The following AGAP1 variants were observed in gnomAD, a reference collection of about 807,000 sequenced individuals.
AGAP1 encodes ArfGAP with GTPase domain, ankyrin repeat and PH domain 1, also known as arf-GAP with GTPase, ANK repeat and PH domain-containing protein 1.
Under a neutral mutation model 105.3 loss-of-function variants are expected in AGAP1, and 29 were observed. That is an observed-to-expected ratio of 0.28 (90% CI 0.21 to 0.38). The LOEUF is 0.38. Ranked by LOEUF, AGAP1 falls within the 10% of genes least tolerant of loss-of-function variation. The probability of loss-of-function intolerance (pLI) is 1.00; values close to 1 mark genes in which losing one functional copy is unlikely to be tolerated. For missense variants in AGAP1, 998 were observed against 1,165.1 expected (o/e 0.86, Z 2.09); for synonymous variants, 509 against 485.9 (o/e 1.05, Z -0.63).
At chr2:235,916,440 G>T (rs1384132830) in intron 11 of AGAP1, among the ~76,000 whole-genome samples, 2 of 152,202 alleles carry the variant, frequency 1.3e-5, no homozygotes, top group Non-Finnish European at 2.9e-5. Flanking sequence ...AGCCTAGTTT[G>T]GTGAAGCTGT....
intron 12 of AGAP1, among the ~76,000 whole-genome samples, chr2:235,956,929 A>G (rs2053977044): frequency 6.6e-6 from 1 of 152,228 alleles, no homozygotes; most frequent in Non-Finnish European, 1.5e-5. Context: ...CGTATAGTGG[A>G]CGTTTTAAAA....
chr2:236,115,673 A>G (rs1576340434), intron 16 of AGAP1, among the ~76,000 whole-genome samples: 2 of 152,220 alleles, frequency 1.3e-5, no homozygotes, highest in African/African-American at 4.8e-5. Context: ...TTCAGCTGCT[A>G]ACAAGAATCA....
intron 3 of AGAP1, among the ~76,000 whole-genome samples, chr2:235,722,330 A>G (rs1951428060): frequency 6.6e-6 from 1 of 152,214 alleles, no homozygotes; most frequent in Admixed American, 6.5e-5. Context: ...AATCTGTTGC[A>G]TGTCTGTGCA....
chr2:235,743,460 G>A lies in AGAP1; in HGVS notation c.397-1238G>A, dbSNP rs150959351. Among the ~76,000 whole-genome samples the A allele has an allele frequency of 7.3e-3, 1,116 of 152,188 alleles. 15 individuals carry two copies. Among genetic ancestry groups the A allele is most frequent in the African/African-American group, 0.026 (1,082 of 41,502 alleles). On this transcript the variant is annotated intron_variant, in intron 4 of 17. Coordinates refer to ENST00000304032, the MANE Select transcript of AGAP1 (RefSeq NM_001037131.3). ...GAAGAGCCTTTCTCAAGGCAGAGAAGAGGAAAAGGAGATGCCTTCCGTCAG... is the reference window on the plus strand; with the variant it reads ...GAAGAGCCTTTCTCAAGGCAGAGAAAAGGAAAAGGAGATGCCTTCCGTCAG...
At chr2:235,679,792 A>G (rs1056665562) in intron 1 of AGAP1, among the ~76,000 whole-genome samples, 15 of 152,238 alleles carry the variant, frequency 9.9e-5, no homozygotes, top group Non-Finnish European at 1.9e-4. Context: ...GAGAATAAGG[A>G]TGGATATTCC....
Position 235,942,453 on chromosome 2 carries a change from G to A in AGAP1, c.1483+11530G>A, listed in dbSNP as rs139409364. 8.1e-3 allele frequency among the ~76,000 whole-genome samples: 1,227 copies of A among 152,190 alleles called. 17 individuals are homozygous for A. The highest frequency in any genetic ancestry group is 0.028 in the African/African-American group (1,174 of 41,528). On this transcript the variant is annotated intron_variant, in intron 12 of 17. Transcript: ENST00000304032. The stretch of plus-strand genomic sequence containing the variant: ...AGCACTTTGGGAGGCCGAGACGGGC[G>A]GATCACCTGAGGTTGGGAGTTTGAG...
rs2057666487 is a variant in AGAP1, at chr2:236,044,788, C to T, written c.1891+3947C>T. Among the ~76,000 whole-genome samples, 1 of 147,644 alleles carries T rather than the reference C, an allele frequency of 6.8e-6. No individual in the cohort carries two copies. Among genetic ancestry groups the T allele is most frequent in the Non-Finnish European group, 1.5e-5 (1 of 67,078 alleles). Reference sequence around the variant, plus strand: ...GAAATCACACACACACACACACACACATCCCTACTCCCTGCTGTTCTGCCC... The same window carrying T: ...GAAATCACACACACACACACACACATATCCCTACTCCCTGCTGTTCTGCCC... On this transcript the variant is annotated intron_variant, in intron 15 of 17. Coordinates refer to ENST00000304032, the MANE Select transcript of AGAP1 (RefSeq NM_001037131.3). The surrounding 1 kb of genome is among the most constrained non-coding windows in gnomAD (Gnocchi z 5.7).
rs6748968 is a variant in AGAP1 at position 236,121,014 on chromosome 2, C to T, written c.2370+567C>T. On this transcript the variant is annotated intron_variant, in intron 17 of 17. Coordinates refer to ENST00000304032, the MANE Select transcript of AGAP1 (RefSeq NM_001037131.3). This position sits in a 1 kb window ranked among gnomAD's most constrained non-coding sequence, Gnocchi z 4.9. ...CCCTGCCTGTGCCACCCAGGAGCTA[C>T]GTCTGAGAAGCCACGCCCACTTAGG... 0.28 allele frequency among the ~76,000 whole-genome samples: 41,942 copies of T among 152,020 alleles called. 6,337 individuals carry two copies. The highest frequency in any genetic ancestry group is 0.4 in the South Asian group (1,946 of 4,824).
chr2:235,546,935 T>C (rs979876548), intron 1 of AGAP1, among the ~76,000 whole-genome samples: 2 of 152,218 alleles, frequency 1.3e-5, no homozygotes, highest in Non-Finnish European at 2.9e-5. Context: ...AGCAGGCGGC[T>C]CACTGGCCGT....
intron 11 of AGAP1, among the ~76,000 whole-genome samples, chr2:235,925,317 G>A (rs1188214752): frequency 2.6e-5 from 4 of 151,946 alleles, no homozygotes; most frequent in Non-Finnish European, 5.9e-5. Flanking sequence ...CAACGATGGT[G>A]CGCAGAGTTT....
At chr2:235,548,353 A>C (rs929959590) in intron 1 of AGAP1, among the ~76,000 whole-genome samples, 1 of 152,114 alleles carries the variant, frequency 6.6e-6, no homozygotes, top group African/African-American at 2.4e-5. Flanking sequence ...GCACTCTCCA[A>C]CTTACCTTCA....
chr2:235,715,140 C>T (rs1951036618), intron 2 of AGAP1, among the ~76,000 whole-genome samples: 1 of 152,204 alleles, frequency 6.6e-6, no homozygotes, highest in Admixed American at 6.5e-5. Context: ...ATCTACTTAA[C>T]CAACGTTCCT....
intron 17 of AGAP1, among the ~76,000 whole-genome samples, chr2:236,122,649 A>G (rs1473764716): frequency 6.6e-6 from 1 of 151,348 alleles, no homozygotes; most frequent in Non-Finnish European, 1.5e-5. Context: ...ATGTGAGGAC[A>G]TACATCCGGG....
At chr2:235,653,710 T>C (rs565502101) in intron 1 of AGAP1, among the ~76,000 whole-genome samples, 1 of 152,302 alleles carries the variant, frequency 6.6e-6, no homozygotes, top group Admixed American at 6.5e-5. Flanking sequence ...AACAAAATTG[T>C]TGAAGAGCCA....
rs1360445511 is a variant in AGAP1, at chr2:236,095,400, T to C, written c.2115-24792T>C. The stretch of plus-strand genomic sequence containing the variant: ...TGACAGAGTTAGACCTTGTCTTGGC[T>C]GGGCACAGTGGCTCACGTGTGTAAT... On this transcript the variant is annotated intron_variant, in intron 16 of 17. Transcript: ENST00000304032. The surrounding 1 kb of genome is among the most constrained non-coding windows in gnomAD (Gnocchi z 4.1). 6.6e-6 allele frequency among the ~76,000 whole-genome samples: 1 copy of C among 152,038 alleles called. No individual in the cohort carries two copies. Among genetic ancestry groups the C allele is most frequent in the East Asian group, 1.9e-4 (1 of 5,146 alleles).
At chr2:235,949,474 C>T (rs1022477818) in intron 12 of AGAP1, among the ~76,000 whole-genome samples, 7 of 152,120 alleles carry the variant, frequency 4.6e-5, no homozygotes, top group Non-Finnish European at 8.8e-5. Flanking sequence ...GCCACCTCTC[C>T]GCCTGTTCTT....
At chr2:236,070,251 G>A (rs776945497) in intron 16 of AGAP1, among the ~76,000 whole-genome samples, 7 of 152,210 alleles carry the variant, frequency 4.6e-5, no homozygotes, top group Non-Finnish European at 1.0e-4. Context: ...TTGGCATCAG[G>A]GCGAGTGGTT....
intron 1 of AGAP1, among the ~76,000 whole-genome samples, chr2:235,677,548 G>A (rs1361407026): frequency 6.6e-6 from 1 of 152,144 alleles, no homozygotes; most frequent in Non-Finnish European, 1.5e-5. Flanking sequence ...AAGATTTCAC[G>A]TGACGTTGTG....
intron 9 of AGAP1, among the ~76,000 whole-genome samples, chr2:235,844,436 T>A (rs1961232501): frequency 6.6e-6 from 1 of 152,200 alleles, no homozygotes; most frequent in Admixed American, 6.5e-5. Flanking sequence ...AATTTGGATT[T>A]GCATATAAAA....
Sources: allele counts gnomAD v4.1 joint callset (sites outside exome capture counted in the v4.1 genomes callset), GRCh38; gene constraint gnomAD v4.1.1; non-coding constraint Gnocchi (gnomAD v3.1); transcripts MANE v1.5; gene names NCBI Gene and HGNC (gene_info 2026-07-23, HGNC 2026-07-21).